The following ZNF253 variants were observed in gnomAD, a reference collection of about 807,000 sequenced individuals.
The protein encoded by ZNF253 is DNA-binding protein.
ZNF253 carries 8 observed loss-of-function variants against 11.9 expected under a neutral mutation model. The ratio of observed to expected loss-of-function variants is 0.67; its 90% CI spans 0.40 to 1.22. The LOEUF is 1.22. Ranked by LOEUF, ZNF253 falls within the 50% of genes most tolerant of loss-of-function variation. The pLI is 0.01. For synonymous variants in ZNF253, 194 were observed against 194.9 expected, an observed-to-expected ratio of 1.00 and a Z score of 0.04; for missense variants, 485 against 586.9, an observed-to-expected ratio of 0.83 and a Z score of 1.79.
chr19:19,872,648 A>G (rs1479336796), intron 1 of ZNF253, among the ~76,000 whole-genome samples: 1 of 148,036 alleles, frequency 6.8e-6, no homozygotes, highest in Non-Finnish European at 1.5e-5. Flanking sequence ...ACAACTTTGT[A>G]TCAGCCCACT....
Position 19,892,391 on chromosome 19 carries a change from A to G in ZNF253, c.1144A>G (p.Thr382Ala). Residue 382 changes from threonine to alanine, a missense_variant, in exon 4 of 4, where the codon ACC becomes GCC. Transcript: ENST00000589717. ...ECGKAFNHST[T>A]LFSHEKIHTG... ...TGGCAAAGCTTTTAACCATTCCACA[A>G]CCCTTTTTTCACATGAGAAAATTCA... 1 of 1,613,464 alleles carries G rather than the reference A, an allele frequency of 6.2e-7. No individual in the cohort carries two copies. The highest frequency in any genetic ancestry group is 8.5e-7 in the Non-Finnish European group (1 of 1,179,912).
Position 19,872,583 on chromosome 19 carries a change from T to TATATATATATTATTA in ZNF253, c.4-5898_4-5897insATATATATATTATTA, listed in dbSNP as rs371297261. 8.0e-4 allele frequency among the ~76,000 whole-genome samples: 96 copies of TATATATATATTATTA among 120,720 alleles called. 1 individual carries two copies. The highest frequency in any genetic ancestry group is 3.9e-3 in the African/African-American group (94 of 24,130). The allele number at this position is 120,720 out of a possible 152,430, so 79.2% of individuals were successfully genotyped here. On this transcript the variant is annotated intron_variant, in intron 1 of 3. Transcript: ENST00000589717. ...TAACTATATATATATATATATATTA[T>TATATATATATTATTA]TATATATATATATATATAATCAAGT...
chr19:19,883,255 T>TC (rs1296924773), intron 3 of ZNF253, among the ~76,000 whole-genome samples: 1 of 152,242 alleles, frequency 6.6e-6, no homozygotes, highest in Non-Finnish European at 1.5e-5. Flanking sequence ...TTTCTGTTTT[T>TC]CTTTAAAACT....
chr19:19,891,810 C>G lies in ZNF253; in HGVS notation c.563C>G (p.Thr188Ser). The change falls in exon 4 of 4, where the codon ACT (threonine) becomes AGT (serine). Residue 188 changes from threonine (T) to serine (S), a missense_variant. Physicochemically the swap from Thr to Ser is moderately conservative, Grantham distance 58 (BLOSUM62 1). Coordinates refer to ENST00000589717, the MANE Select transcript of ZNF253 (RefSeq NM_021047.3). ...GKAFKRSSTL[T>S]THKKIHTGEK... is the part of the protein sequence containing the mutation. ...GCTTTTAAACGGTCCTCAACCCTTA[C>G]TACACATAAGAAAATTCATACTGGA... 6.2e-7 allele frequency: 1 copy of G among 1,614,140 alleles called. No homozygotes were observed. Among genetic ancestry groups the G allele is most frequent in the Non-Finnish European group, 8.5e-7 (1 of 1,180,000 alleles).
chr19:19,866,340 C>G (rs1234264362), intron 1 of ZNF253, among the ~76,000 whole-genome samples: 1 of 152,050 alleles, frequency 6.6e-6, no homozygotes, highest in Non-Finnish European at 1.5e-5. Context: ...AGCTTTGGTC[C>G]GTGAGGTTGT....
chr19:19,879,838 A>G (rs534760641), intron 2 of ZNF253, among the ~76,000 whole-genome samples: 3 of 152,198 alleles, frequency 2.0e-5, no homozygotes, highest in Non-Finnish European at 4.4e-5. Context: ...TCTAATTGCT[A>G]CCACTAATTT....
chr19:19,884,839 G>A (rs1002783428), intron 3 of ZNF253, among the ~76,000 whole-genome samples: 2 of 152,048 alleles, frequency 1.3e-5, no homozygotes, highest in African/African-American at 4.8e-5. Flanking sequence ...ATTCTAATGG[G>A]TATGAGGTGA....
chr19:19,881,728 G>A (rs1410984888), intron 3 of ZNF253, among the ~76,000 whole-genome samples: 3 of 151,020 alleles, frequency 2.0e-5, no homozygotes, highest in African/African-American at 7.3e-5. Context: ...TTTACTGACT[G>A]TATTTATTAG....
At chr19:19,866,210 G>A (rs764465703) in intron 1 of ZNF253, among the ~76,000 whole-genome samples, 2 of 152,110 alleles carry the variant, frequency 1.3e-5, no homozygotes, top group Non-Finnish European at 2.9e-5. Flanking sequence ...CTGGCCTGGA[G>A]CCCTCTTTCA....
In ZNF253 at chr19:19,891,889, CCTTA is replaced by C; in HGVS notation, c.645_648del (p.Thr216HisfsTer60). On this transcript the variant is annotated frameshift_variant, in exon 4 of 4. Transcript: ENST00000589717. LOFTEE classifies it low-confidence loss of function (END_TRUNC). Reference sequence around the variant, plus strand: ...GCAAAGCTTTTAACCAATCTGCAAACCTTACTACACATAAGAGAATTCATACCGG... The same window carrying C: ...GCAAAGCTTTTAACCAATCTGCAAACCTACACATAAGAGAATTCATACCGG... 1 of 1,613,936 alleles carries C rather than the reference CCTTA, an allele frequency of 6.2e-7. No individual in the cohort carries two copies. Among genetic ancestry groups the C allele is most frequent in the South Asian group, 1.1e-5 (1 of 91,076 alleles).
At chr19:19,875,523 G>A (rs1001109869) in intron 1 of ZNF253, among the ~76,000 whole-genome samples, 2 of 152,048 alleles carry the variant, frequency 1.3e-5, no homozygotes, top group Non-Finnish European at 2.9e-5. Flanking sequence ...AGCCTCCCAA[G>A]TAGCTGGAAC....
intron 1 of ZNF253, among the ~76,000 whole-genome samples, chr19:19,869,685 TTTA>T (rs768599200): frequency 0.054 from 6,424 of 119,424 alleles, 396 homozygotes; most frequent in East Asian, 0.14. Flanking sequence ...TTTTTTTTTT[TTTA>T]AAAAACAGTC....
chr19:19,872,583 T>TTATA (rs139435074), intron 1 of ZNF253, among the ~76,000 whole-genome samples: 25 of 120,752 alleles, frequency 2.1e-4, no homozygotes, highest in East Asian at 6.5e-4. Context: ...ATATATATTA[T>TTATA]TATATATATA....
chr19:19,882,277 A>G (rs2063181218), intron 3 of ZNF253, among the ~76,000 whole-genome samples: 1 of 151,984 alleles, frequency 6.6e-6, no homozygotes, highest in South Asian at 2.1e-4. Context: ...TGGAGCAAAC[A>G]CCTCTTCAAG....
intron 3 of ZNF253, among the ~76,000 whole-genome samples, chr19:19,885,667 A>G (rs560870417): frequency 6.6e-6 from 1 of 152,188 alleles, no homozygotes; most frequent in Admixed American, 6.5e-5. Context: ...CTGGGATTAC[A>G]GGCATCAGCC....
At chr19:19,877,524 TGCCACAAC>T (rs2063160527) in intron 1 of ZNF253, among the ~76,000 whole-genome samples, 1 of 152,112 alleles carries the variant, frequency 6.6e-6, no homozygotes, top group African/African-American at 2.4e-5. Context: ...TACAGGCATG[TGCCACAAC>T]GCCCAGCTAA....
chr19:19,891,851 T>A lies in ZNF253; in HGVS notation c.604T>A (p.Cys202Ser). Reference protein sequence around the residue: ...KIHTGEKPYRCEECGKAFNQS... With the variant: ...KIHTGEKPYRSEECGKAFNQS... Reference sequence around the variant, plus strand: ...TCATACTGGAGAGAAACCTTACAGATGTGAAGAATGTGGCAAAGCTTTTAA... The same window carrying A: ...TCATACTGGAGAGAAACCTTACAGAAGTGAAGAATGTGGCAAAGCTTTTAA... The change falls in exon 4 of 4, where the codon TGT (cysteine) becomes AGT (serine). Residue 202 changes from cysteine (C) to serine (S), a missense_variant. This residue lies in a region of ZNF253 where 218 missense variants were observed against 213.1 expected (regional missense o/e 1.02). Coordinates refer to ENST00000589717, the MANE Select transcript of ZNF253 (RefSeq NM_021047.3). The A allele has an allele frequency of 6.2e-7, 1 of 1,614,176 alleles. No homozygotes were observed. Among genetic ancestry groups the A allele is most frequent in the Non-Finnish European group, 8.5e-7 (1 of 1,180,026 alleles).
intron 1 of ZNF253, among the ~76,000 whole-genome samples, chr19:19,867,042 C>G (rs1159299767): frequency 6.6e-6 from 1 of 152,020 alleles, no homozygotes; most frequent in Non-Finnish European, 1.5e-5. Flanking sequence ...CCCTTTTCTC[C>G]TATTAAAAAT....
At position 19,892,995 on chromosome 19, in the gene ZNF253, G is replaced by A; in HGVS notation, c.*248G>A. 1 of 366,666 alleles carries A rather than the reference G, an allele frequency of 2.7e-6. No homozygotes were observed. Among genetic ancestry groups the A allele is most frequent in the Non-Finnish European group, 4.6e-6 (1 of 219,034 alleles). 22.7% of individuals were successfully genotyped at this position (366,666 alleles called of 1,614,324 possible). A position where few individuals can be genotyped will look rare whatever the true frequency, so the allele number is the denominator to read the frequency against. The stretch of plus-strand genomic sequence containing the variant: ...ACAAGTTCTCAATTCCTTTTTTTTT[G>A]AGATGGAGTTTCACTCTTGTCACCG... On this transcript the variant is annotated 3_prime_UTR_variant, in exon 4 of 4. Transcript: ENST00000589717.
Sources: allele counts gnomAD v4.1 joint callset (sites outside exome capture counted in the v4.1 genomes callset), GRCh38; gene constraint gnomAD v4.1.1; regional missense constraint gnomAD v4.1.1; transcripts MANE v1.5; gene names NCBI Gene and HGNC (gene_info 2026-07-23, HGNC 2026-07-21).